Variants in TSR1 observed in about 807,000 individuals in gnomAD.
TSR1 encodes the protein pre-rRNA-processing protein TSR1 homolog.
In TSR1, 81 loss-of-function variants were observed where a neutral mutation model predicts 90.9. The observed-to-expected ratio is 0.89, with a 90% CI of 0.74 to 1.07. TSR1 has a LOEUF of 1.07. Ranked by LOEUF, TSR1 falls within the 50% of genes least tolerant of loss-of-function variation. The probability of loss-of-function intolerance (pLI) is 0.00; values close to 1 mark genes in which losing one functional copy is unlikely to be tolerated. For missense variants in TSR1, 989 were observed against 987.3 expected, an observed-to-expected ratio of 1.00 and a Z score of -0.02; for synonymous variants, 362 against 348.8, an observed-to-expected ratio of 1.04 and a Z score of -0.42.
intron 11 of TSR1, chr17:2,328,919 C>CAAA (rs56003468): frequency 8.9e-4 from 82 of 92,400 alleles, no homozygotes; most frequent in Non-Finnish European, 1.2e-3. Flanking sequence ...GACTCCGTCT[C>CAAA]AAAAAAAAAA....
At chr17:2,334,982 A>C in intron 4 of TSR1, 86 bp from the exon 5 acceptor site, 20 of 1,410,884 alleles carry the variant, frequency 1.4e-5, no homozygotes, top group Non-Finnish European at 1.8e-5. Flanking sequence ...CTAATAGCTC[A>C]GTTGCAAGCC....
intron 14 of TSR1, 29 bp downstream of exon 14, chr17:2,324,475 A>T: frequency 1.9e-6 from 3 of 1,614,112 alleles, no homozygotes. Flanking sequence ...AGAAATGCAG[A>T]CATGGTCTCA....
chr17:2,332,110 C>T, intron 8 of TSR1, 59 bp downstream of exon 8: 1 of 1,581,934 alleles, frequency 6.3e-7, no homozygotes, highest in Non-Finnish European at 8.6e-7. Context: ...CAGCTCTGAG[C>T]CAAGTTTTTA....
At position 2,332,948 on chromosome 17, in the gene TSR1, C is replaced by G; in HGVS notation, c.1305+13G>C. On this transcript the variant is annotated intron_variant, in intron 7 of 14. Coordinates refer to ENST00000301364, the MANE Select transcript of TSR1 (RefSeq NM_018128.5). Reference sequence around the variant, plus strand: ...GCTAGACACAGAATTGGCCTAAGGCCTCATTTCCTTACCTGAGATTCCTCC... The same window carrying G: ...GCTAGACACAGAATTGGCCTAAGGCGTCATTTCCTTACCTGAGATTCCTCC... The G allele has an allele frequency of 6.2e-7, 1 of 1,611,936 alleles. No homozygotes were observed. The highest frequency in any genetic ancestry group is 1.7e-5 in the Admixed American group (1 of 59,910).
At position 2,331,000 on chromosome 17, in the gene TSR1, T is replaced by C; in HGVS notation, c.1606A>G (p.Thr536Ala). ...RIFQFQNFTN[T>A]RKSIFKEVEE... ...ACCTCTTTAAAGATGCTTTTCCTAG[T>C]GTTAGTAAAGTTCTGAAACTGAAAT... Residue 536 changes from threonine (T) to alanine (A), a missense_variant, in exon 9 of 15, where the codon ACT becomes GCT. Thr to Ala is a moderately conservative substitution (Grantham distance 58). Coordinates refer to ENST00000301364, the MANE Select transcript of TSR1 (RefSeq NM_018128.5). 1 of 1,610,172 alleles carries C rather than the reference T, an allele frequency of 6.2e-7. No homozygotes were observed. Among genetic ancestry groups the C allele is most frequent in the South Asian group, 1.1e-5 (1 of 89,920 alleles).
chr17:2,330,451 T>TA, intron 10 of TSR1, 64 bp downstream of exon 10: 1 of 1,479,640 alleles, frequency 6.8e-7, no homozygotes, highest in South Asian at 1.1e-5. Context: ...AACAGAATTT[T>TA]AGACTGTCAG....
At position 2,323,251 on chromosome 17, in the gene TSR1, C is replaced by G. The variant is rs1372818564; in HGVS notation, c.*945G>C. 10 of 1,614,098 alleles carry G rather than the reference C, an allele frequency of 6.2e-6. No individual in the cohort carries two copies. The highest frequency in any genetic ancestry group is 8.5e-6 in the Non-Finnish European group (10 of 1,180,044). ...AATCTTTATCCTCCAGAAACCATAG[C>G]AGATGGTGTCAAATCCAGCATTGGC... is the stretch of plus-strand genomic sequence containing the variant. On this transcript the variant is annotated 3_prime_UTR_variant, in exon 15 of 15. Coordinates refer to ENST00000301364, the MANE Select transcript of TSR1 (RefSeq NM_018128.5).
In TSR1 at chr17:2,335,665, G is replaced by C; in HGVS notation, c.267C>G (p.Pro89=). The change falls in exon 3 of 15, where the codon CCC becomes CCG. Residue 89 remains proline, a synonymous_variant. Coordinates refer to ENST00000301364, the MANE Select transcript of TSR1 (RefSeq NM_018128.5). ...DGPPHQVLVV[P]LHSRISLPEA... is the part of the protein sequence containing the mutation. ...CTGGCAGGGAAATTCTGCTGTGCAGGGGCACCACCAGTACCTGATGAGGAG... is the reference window on the plus strand; with the variant it reads ...CTGGCAGGGAAATTCTGCTGTGCAGCGGCACCACCAGTACCTGATGAGGAG... 2.5e-6 allele frequency: 4 copies of C among 1,614,046 alleles called. No individual in the cohort carries two copies. Among genetic ancestry groups the C allele is most frequent in the Non-Finnish European group, 3.4e-6 (4 of 1,180,026 alleles).
Position 2,324,908 on chromosome 17 carries a change from C to A in TSR1, c.2021-79G>T, listed in dbSNP as rs763982171. 1.9e-5 allele frequency: 28 copies of A among 1,496,600 alleles called. No homozygotes were observed. The South Asian group carries it at 3.5e-4, about 19-fold the overall frequency. The allele number at this position is 1,496,600 out of a possible 1,614,324, so 92.7% of individuals were successfully genotyped here. A position where few individuals can be genotyped will look rare whatever the true frequency, so the allele number is the denominator to read the frequency against. On this transcript the variant is annotated intron_variant, in intron 12 of 14. Coordinates refer to ENST00000301364, the MANE Select transcript of TSR1 (RefSeq NM_018128.5). Reference sequence around the variant, plus strand: ...TTTATTGCCCAGTCCATTTAAAGACCCATGCAAGAGCCTGGTTTGTCATCC... The same window carrying A: ...TTTATTGCCCAGTCCATTTAAAGACACATGCAAGAGCCTGGTTTGTCATCC...
At chr17:2,331,877 A>G (rs1434700204) in intron 8 of TSR1, among the ~76,000 whole-genome samples, 2 of 152,152 alleles carry the variant, frequency 1.3e-5, no homozygotes, top group Non-Finnish European at 1.5e-5. Context: ...ATTTCCAAAC[A>G]TTATATACTT....
intron 5 of TSR1, among the ~76,000 whole-genome samples, 181 bp downstream of exon 5, chr17:2,334,291 A>G (rs1452103880): frequency 6.6e-6 from 1 of 152,230 alleles, no homozygotes; most frequent in African/African-American, 2.4e-5. Flanking sequence ...ATCACAGTGC[A>G]GACTACCTAG....
chr17:2,322,666 AGTTTTTTTTTGTTTTT>A lies in TSR1; in HGVS notation c.*1514_*1529del, dbSNP rs1222700589. The A allele has an allele frequency of 1.8e-5, 2 of 111,958 alleles. No individual in the cohort carries two copies. The highest frequency in any genetic ancestry group is 3.7e-5 in the Non-Finnish European group (2 of 54,492). 6.9% of individuals were successfully genotyped at this position (111,958 alleles called of 1,614,324 possible). A position where few individuals can be genotyped will look rare whatever the true frequency, so the allele number is the denominator to read the frequency against. On this transcript the variant is annotated 3_prime_UTR_variant, in exon 15 of 15. Coordinates refer to ENST00000301364, the MANE Select transcript of TSR1 (RefSeq NM_018128.5). ...CAGGTGCCTGCCACCATGCCTGGCT[AGTTTTTTTTTGTTTTT>A]TTTTTTTGTATTTTTAGTAGAGACG...
rs772481601 is a variant in TSR1 at position 2,336,018 on chromosome 17, CA to C, written c.201+18del. On this transcript the variant is annotated intron_variant, in intron 2 of 14. Coordinates refer to ENST00000301364, the MANE Select transcript of TSR1 (RefSeq NM_018128.5). The stretch of plus-strand genomic sequence containing the variant: ...GAACACCAGAGAAGCCGCATTCTCC[CA>C]AATCCCGCTCCTCTCACCGCCTCCT... The C allele has an allele frequency of 3.1e-6, 5 of 1,613,246 alleles. No individual in the cohort carries two copies. The highest frequency in any genetic ancestry group is 4.2e-6 in the Non-Finnish European group (5 of 1,179,298).
In TSR1 at chr17:2,331,123, G is replaced by A; in HGVS notation, c.1497-14C>T. 1.3e-6 allele frequency: 2 copies of A among 1,560,344 alleles called. No homozygotes were observed. Among genetic ancestry groups the A allele is most frequent in the Non-Finnish European group, 1.7e-6 (2 of 1,162,570 alleles). On this transcript the variant is annotated splice_polypyrimidine_tract_variant and intron_variant, in intron 8 of 14. Transcript: ENST00000301364. ...TATTTCTGAAATCTAGAATATTGAA[G>A]ATTTTTAAAGACATTAAGTCAGATT...
intron 11 of TSR1, 199 bp downstream of exon 11, chr17:2,329,144 A>G (rs1372868212): frequency 1.1e-6 from 1 of 869,572 alleles, no homozygotes; most frequent in African/African-American, 1.6e-5. Context: ...AGTATCACAC[A>G]GAAGTTGCAT....
intron 7 of TSR1, 118 bp from the exon 8 acceptor site, chr17:2,332,477 C>A: frequency 2.3e-6 from 2 of 854,580 alleles, no homozygotes; most frequent in Non-Finnish European, 3.5e-6. Flanking sequence ...AACATAAATT[C>A]TAATACAGTC....
At chr17:2,327,070 A>C (rs1567782389) in intron 11 of TSR1, among the ~76,000 whole-genome samples, 1 of 151,454 alleles carries the variant, frequency 6.6e-6, no homozygotes, top group Non-Finnish European at 1.5e-5. Context: ...CTGCCACTGC[A>C]CTCCAGCCTG....
At chr17:2,325,508 T>A in intron 11 of TSR1, 88 bp from the exon 12 acceptor site, 1 of 1,010,286 alleles carries the variant, frequency 9.9e-7, no homozygotes, top group Non-Finnish European at 1.5e-6. Context: ...TTAGTGCAAC[T>A]CTTAAACCTA....
chr17:2,329,689 T>C (rs368526948), intron 10 of TSR1, among the ~76,000 whole-genome samples: 3 of 152,142 alleles, frequency 2.0e-5, no homozygotes, highest in South Asian at 2.1e-4. Context: ...AGAGCTTTCA[T>C]GCACCCTTCA....
Sources: gnomAD v4.1 joint callset for allele counts (sites outside exome capture counted in the v4.1 genomes callset) on GRCh38, gnomAD v4.1.1 for gene constraint, MANE v1.5 for transcripts, NCBI Gene and HGNC (gene_info 2026-07-23, HGNC 2026-07-21) for gene names.